NPAS3: variants seen among roughly 807,000 people sequenced by gnomAD.
The protein encoded by NPAS3 is neuronal PAS domain protein 3.
NPAS3 carries 14 observed loss-of-function variants against 73.1 expected under a neutral mutation model. That is an observed-to-expected ratio of 0.19 (90% CI 0.13 to 0.30). The LOEUF is 0.30. Ranked by LOEUF, NPAS3 falls within the 10% of genes least tolerant of loss-of-function variation. NPAS3 has a pLI of 1.00. For synonymous variants in NPAS3, 620 were observed against 541.5 expected (o/e 1.14, Z -2.01); for missense variants, 1,096 against 1,250.0 (o/e 0.88, Z 1.86).
chr14:33,613,031 A>T (rs1433558809), intron 5 of NPAS3, among the ~76,000 whole-genome samples: 1 of 152,250 alleles, frequency 6.6e-6, no homozygotes. Flanking sequence ...AATTCCTGAT[A>T]GAGATCAGGT....
At position 33,800,002 on chromosome 14, in the gene NPAS3, G is replaced by GGACCTGCGGCTGCAGAACTGCGAGTCA. The variant is rs1356515612; in HGVS notation, c.1696_1722dup (p.Asp566_Ser574dup). On this transcript the variant is annotated inframe_insertion, in exon 12 of 12. Coordinates refer to ENST00000356141, the Ensembl canonical transcript of NPAS3. This position sits in a 1 kb window ranked among gnomAD's most constrained non-coding sequence, Gnocchi z 6.5. ...TGGAGCGCTACGTGGAGAGCGAGTCGGACCTGCGGCTGCAGAACTGCGAGT... is the reference window on the plus strand; with the variant it reads ...TGGAGCGCTACGTGGAGAGCGAGTCGGACCTGCGGCTGCAGAACTGCGAGTCAGACCTGCGGCTGCAGAACTGCGAGT... 2.5e-6 allele frequency: 4 copies of GGACCTGCGGCTGCAGAACTGCGAGTCA among 1,612,622 alleles called. No homozygotes were observed. The African/African-American group carries it at 5.3e-5, about 22-fold the overall frequency.
intron 7 of NPAS3, among the ~76,000 whole-genome samples, chr14:33,764,909 T>C (rs1305755940): frequency 6.6e-6 from 1 of 152,242 alleles, no homozygotes; most frequent in Non-Finnish European, 1.5e-5. Context: ...CATGGTCCTG[T>C]TTTATTAAAT....
chr14:33,091,820 C>T (rs139276425), intron 2 of NPAS3, among the ~76,000 whole-genome samples: 5,808 of 151,998 alleles, frequency 0.038, 353 homozygotes, highest in African/African-American at 0.13. Context: ...GTTCAACATA[C>T]GCAAATCAAT....
intron 4 of NPAS3, among the ~76,000 whole-genome samples, chr14:33,422,489 C>T (rs2048395714): frequency 6.6e-6 from 1 of 151,818 alleles, no homozygotes; most frequent in Admixed American, 6.6e-5. Context: ...CCAATTATAC[C>T]TTCTGTCCCT....
chr14:33,516,906 A>G (rs1487384705), intron 4 of NPAS3, among the ~76,000 whole-genome samples: 1 of 152,058 alleles, frequency 6.6e-6, no homozygotes, highest in Non-Finnish European at 1.5e-5. Flanking sequence ...GGCTGGGGGA[A>G]GAAATTTCTC....
At position 33,656,512 on chromosome 14, in the gene NPAS3, C is replaced by G. The variant is rs528554173; in HGVS notation, c.559-19699C>G. ...AGGTCAAAATGCACCCTTCCTTCAA[C>G]CAAAGCAATGTCTGAAACAAAGATC... On this transcript the variant is annotated intron_variant, in intron 5 of 11. Transcript: ENST00000356141. Among the ~76,000 whole-genome samples, 3 of 152,302 alleles carry G rather than the reference C, an allele frequency of 2.0e-5. No individual in the cohort carries two copies. In the East Asian group the frequency reaches 5.8e-4, roughly 29 times the overall value.
rs140658289 is a variant in NPAS3, at chr14:33,417,479, G to T, written c.468+50211G>T. On this transcript the variant is annotated intron_variant, in intron 4 of 11. Coordinates refer to ENST00000356141, the Ensembl canonical transcript of NPAS3. ...TTTGCCATTCCAACTCTGTGATTAC[G>T]TTCTAAGTGGGAAAAATGACTAGCA... 5.9e-3 allele frequency among the ~76,000 whole-genome samples: 895 copies of T among 152,046 alleles called. 4 individuals carry two copies. Among genetic ancestry groups the T allele is most frequent in the Non-Finnish European group, 0.011 (719 of 67,940 alleles).
At chr14:33,181,371 G>T (rs1247124367) in intron 2 of NPAS3, among the ~76,000 whole-genome samples, 1 of 152,172 alleles carries the variant, frequency 6.6e-6, no homozygotes, top group Non-Finnish European at 1.5e-5. Context: ...AGTGATGTCA[G>T]ATAATCAGAT....
chr14:33,699,944 G>A (rs11848780), intron 6 of NPAS3, among the ~76,000 whole-genome samples: 20,950 of 152,026 alleles, frequency 0.14, 1,606 homozygotes, highest in Admixed American at 0.23. Context: ...TTCCTCTGTG[G>A]CATCATAAAA....
At chr14:33,633,048 G>A (rs77244915) in intron 5 of NPAS3, among the ~76,000 whole-genome samples, 17,674 of 152,070 alleles carry the variant, frequency 0.12, 1,159 homozygotes, top group African/African-American at 0.18. Context: ...AATAACACAA[G>A]TTTAAAAACA....
chr14:33,375,208 G>A (rs2046262614), intron 4 of NPAS3, among the ~76,000 whole-genome samples: 1 of 152,114 alleles, frequency 6.6e-6, no homozygotes, highest in Non-Finnish European at 1.5e-5. Flanking sequence ...ACCCTGTAGT[G>A]TCTCTATGAT....
intron 1 of NPAS3, among the ~76,000 whole-genome samples, chr14:32,972,096 G>A (rs185569416): frequency 1.1e-4 from 17 of 151,972 alleles, no homozygotes; most frequent in Admixed American, 5.9e-4. Context: ...TCGCCACCAC[G>A]CCTGGCTAAT....
chr14:33,431,529 A>C (rs944111549), intron 4 of NPAS3, among the ~76,000 whole-genome samples: 12 of 152,194 alleles, frequency 7.9e-5, no homozygotes, highest in Non-Finnish European at 1.8e-4. Flanking sequence ...TGTTGACTTT[A>C]TGGCTGCATG....
At chr14:33,213,178 C>G (rs2047099824) in intron 2 of NPAS3, among the ~76,000 whole-genome samples, 1 of 152,036 alleles carries the variant, frequency 6.6e-6, no homozygotes, top group Non-Finnish European at 1.5e-5. Flanking sequence ...TGCCTGAACC[C>G]TGAAAGCCCT....
In NPAS3 at chr14:33,151,131, G is replaced by A. The variant is rs994643679; in HGVS notation, c.141-64051G>A. On this transcript the variant is annotated intron_variant, in intron 2 of 11. Transcript: ENST00000356141. ...AGATAACTATTTCTTTGCAGTCAATGCAAAATGCCATTCAGAGGCATAACC... is the reference window on the plus strand; with the variant it reads ...AGATAACTATTTCTTTGCAGTCAATACAAAATGCCATTCAGAGGCATAACC... Among the ~76,000 whole-genome samples the A allele has an allele frequency of 3.3e-5, 5 of 152,162 alleles. No homozygotes were observed. In the East Asian group the frequency reaches 5.8e-4, roughly 18 times the overall value.
chr14:33,712,650 T>C (rs1164738079), intron 6 of NPAS3, among the ~76,000 whole-genome samples: 1 of 152,222 alleles, frequency 6.6e-6, no homozygotes, highest in Non-Finnish European at 1.5e-5. Flanking sequence ...TATGGCACAC[T>C]ATGTACAATG....
At chr14:33,718,350 C>G (rs2061013819) in intron 6 of NPAS3, among the ~76,000 whole-genome samples, 1 of 151,864 alleles carries the variant, frequency 6.6e-6, no homozygotes. Flanking sequence ...ATTTTTATTC[C>G]TTGCCTAATT....
At chr14:33,367,413 G>C (rs1449508738) in intron 4 of NPAS3, 145 bp downstream of exon 4, 1 of 529,850 alleles carries the variant, frequency 1.9e-6, no homozygotes, top group Non-Finnish European at 3.4e-6. Flanking sequence ...ATTCTTATGA[G>C]TTTATTTTTT....
At chr14:33,609,382 G>A (rs1215796265) in intron 5 of NPAS3, among the ~76,000 whole-genome samples, 2 of 152,172 alleles carry the variant, frequency 1.3e-5, no homozygotes, top group Admixed American at 6.5e-5. Context: ...GATGCTTGCT[G>A]CTGCTTTTCA....
Sources: allele counts gnomAD v4.1 joint callset (sites outside exome capture counted in the v4.1 genomes callset), GRCh38; gene constraint gnomAD v4.1.1; non-coding constraint Gnocchi (gnomAD v3.1); transcripts MANE v1.5; gene names NCBI Gene and HGNC (gene_info 2026-07-23, HGNC 2026-07-21).